The following SLC49A4 variants were observed in gnomAD, a reference collection of about 807,000 sequenced individuals.
SLC49A4 encodes disrupted in renal cancer protein 2.
Under a neutral mutation model 50.6 loss-of-function variants are expected in SLC49A4, and 36 were observed. The observed-to-expected ratio is 0.71, with a 90% confidence interval of 0.55 to 0.94. SLC49A4 has a LOEUF of 0.94. Among genes scored for constraint, SLC49A4 ranks in the 40% least tolerant of loss-of-function variants. The probability of loss-of-function intolerance (pLI) is 0.00; values close to 1 mark genes in which losing one functional copy is unlikely to be tolerated. For missense variants in SLC49A4, 503 were observed against 605.7 expected (o/e 0.83, Z 1.78); for synonymous variants, 248 against 241.2 (o/e 1.03, Z -0.26).
At chr3:122,824,383 G>A (rs1936494734) in intron 2 of SLC49A4, among the ~76,000 whole-genome samples, 1 of 152,128 alleles carries the variant, frequency 6.6e-6, no homozygotes, top group South Asian at 2.1e-4. Flanking sequence ...AAGTAAACTG[G>A]ATTTGGATGG....
intron 2 of SLC49A4, among the ~76,000 whole-genome samples, chr3:122,817,520 T>C (rs1936387547): frequency 6.6e-6 from 1 of 152,128 alleles, no homozygotes; most frequent in Admixed American, 6.5e-5. Context: ...AGGAAACTAG[T>C]CACCAAGTTT....
chr3:122,876,856 C>T (rs1248989986), intron 8 of SLC49A4, among the ~76,000 whole-genome samples: 5 of 152,158 alleles, frequency 3.3e-5, no homozygotes, highest in African/African-American at 4.8e-5. Flanking sequence ...TGAGTAAAGT[C>T]GAGCACCTGT....
At chr3:122,807,022 T>C (rs1370101098) in intron 2 of SLC49A4, 72 bp downstream of exon 2, 2 of 839,234 alleles carry the variant, frequency 2.4e-6, no homozygotes, top group Non-Finnish European at 3.9e-6. Flanking sequence ...AGAAGATCAG[T>C]AAAGGGTCAT....
At chr3:122,854,339 T>C (rs758198104) in intron 5 of SLC49A4, among the ~76,000 whole-genome samples, 1 of 152,272 alleles carries the variant, frequency 6.6e-6, no homozygotes, top group Non-Finnish European at 1.5e-5. Flanking sequence ...TAGAATAGGC[T>C]ATGCTCCTGG....
chr3:122,878,329 C>T (rs1367094631), intron 8 of SLC49A4, among the ~76,000 whole-genome samples: 1 of 152,192 alleles, frequency 6.6e-6, no homozygotes, highest in Non-Finnish European at 1.5e-5. Flanking sequence ...TCCCCACCAC[C>T]TTCACCAACC....
chr3:122,862,692 T>C (rs1937071672), intron 7 of SLC49A4, among the ~76,000 whole-genome samples: 1 of 152,226 alleles, frequency 6.6e-6, no homozygotes, highest in Non-Finnish European at 1.5e-5. Context: ...AAGAACATAG[T>C]CATGAGTACA....
At chr3:122,821,839 A>C (rs752782546) in intron 2 of SLC49A4, among the ~76,000 whole-genome samples, 7 of 152,194 alleles carry the variant, frequency 4.6e-5, no homozygotes, top group Non-Finnish European at 8.8e-5. Context: ...ATCTTTTTTT[A>C]AAAGCTTTAT....
At chr3:122,796,359 C>T (rs1377830968) in intron 1 of SLC49A4, among the ~76,000 whole-genome samples, 1 of 152,150 alleles carries the variant, frequency 6.6e-6, no homozygotes, top group African/African-American at 2.4e-5. Flanking sequence ...TTCTGTTCAA[C>T]CTTTTATAAG....
chr3:122,806,219 A>G (rs1936215716), intron 1 of SLC49A4, among the ~76,000 whole-genome samples: 1 of 152,162 alleles, frequency 6.6e-6, no homozygotes, highest in Admixed American at 6.6e-5. Context: ...ATAAAACTAA[A>G]ATATCTAGTC....
chr3:122,836,819 G>A (rs999213465), intron 4 of SLC49A4, among the ~76,000 whole-genome samples: 6 of 152,120 alleles, frequency 3.9e-5, no homozygotes, highest in African/African-American at 9.7e-5. Flanking sequence ...AAACCCCATC[G>A]TCTCAGCCCA....
intron 4 of SLC49A4, among the ~76,000 whole-genome samples, chr3:122,834,453 T>C (rs964019709): frequency 6.6e-6 from 1 of 152,132 alleles, no homozygotes; most frequent in Non-Finnish European, 1.5e-5. Context: ...AACAATCTGC[T>C]CCTGAATGAT....
At chr3:122,863,570 T>G (rs1236260808) in intron 7 of SLC49A4, among the ~76,000 whole-genome samples, 1 of 152,226 alleles carries the variant, frequency 6.6e-6, no homozygotes, top group Non-Finnish European at 1.5e-5. Context: ...CTAATTCCTT[T>G]TAAGTAAAAG....
chr3:122,817,829 A>G (rs1170345651), intron 2 of SLC49A4, among the ~76,000 whole-genome samples: 1 of 136,554 alleles, frequency 7.3e-6, no homozygotes, highest in African/African-American at 2.8e-5. Context: ...TCCTGGGCTC[A>G]CATGATCCAC....
rs1387536092 is a variant in SLC49A4, at chr3:122,880,990, T to G, written c.*1612T>G. 5.9e-5 allele frequency: 9 copies of G among 152,230 alleles called. No homozygotes were observed. Among genetic ancestry groups the G allele is most frequent in the Admixed American group, 5.9e-4 (9 of 15,278 alleles). 9.4% of individuals were successfully genotyped at this position (152,230 alleles called of 1,614,324 possible). Reference sequence around the variant, plus strand: ...ATTTAACATCTGTCTTCAGTCATCTTTAAATCGTCTCTCTTTATAAACACT... The same window carrying G: ...ATTTAACATCTGTCTTCAGTCATCTGTAAATCGTCTCTCTTTATAAACACT... On this transcript the variant is annotated 3_prime_UTR_variant, in exon 9 of 9. Coordinates refer to ENST00000261038, the MANE Select transcript of SLC49A4 (RefSeq NM_032839.3).
intron 1 of SLC49A4, among the ~76,000 whole-genome samples, chr3:122,795,977 A>C (rs1936031652): frequency 6.6e-6 from 1 of 152,250 alleles, no homozygotes; most frequent in Non-Finnish European, 1.5e-5. Flanking sequence ...CGTTTTGTGT[A>C]ATAGATGACT....
chr3:122,874,777 A>G (rs1224447355), intron 8 of SLC49A4, among the ~76,000 whole-genome samples: 1 of 152,212 alleles, frequency 6.6e-6, no homozygotes, highest in East Asian at 1.9e-4. Context: ...TTTCCAGGAA[A>G]AAGGTCTCAT....
intron 5 of SLC49A4, among the ~76,000 whole-genome samples, chr3:122,854,601 G>A (rs372743533): frequency 6.6e-6 from 1 of 152,332 alleles, no homozygotes; most frequent in East Asian, 1.9e-4. Flanking sequence ...AGAAAGCATG[G>A]AGGAGGCATA....
chr3:122,821,249 G>A (rs1416526718), intron 2 of SLC49A4, among the ~76,000 whole-genome samples: 3 of 152,156 alleles, frequency 2.0e-5, no homozygotes, highest in African/African-American at 7.2e-5. Context: ...GCAGAGAATG[G>A]ACTAATACAC....
Position 122,806,868 on chromosome 3 carries a change from A to G in SLC49A4, c.355A>G (p.Thr119Ala). The change falls in exon 2 of 9, where the codon ACT (threonine) becomes GCT (alanine). Residue 119 changes from threonine (T) to alanine (A), a missense_variant. Thr to Ala is a moderately conservative substitution (Grantham distance 58). Coordinates refer to ENST00000261038, the MANE Select transcript of SLC49A4 (RefSeq NM_032839.3). Reference protein sequence around the residue: ...WLLDKRGLRITVLLTSFLMVL... With the variant: ...WLLDKRGLRIAVLLTSFLMVL... The stretch of plus-strand genomic sequence containing the variant: ...TTGTTTCATTTTAGGTCTCCGGATA[A>G]CTGTGCTCCTGACATCCTTCCTTAT... 1 of 1,604,610 alleles carries G rather than the reference A, an allele frequency of 6.2e-7. No homozygotes were observed. The highest frequency in any genetic ancestry group is 8.5e-7 in the Non-Finnish European group (1 of 1,171,692).
Sources: allele counts gnomAD v4.1 joint callset (sites outside exome capture counted in the v4.1 genomes callset), GRCh38; gene constraint gnomAD v4.1.1; transcripts MANE v1.5; gene names NCBI Gene and HGNC (gene_info 2026-07-23, HGNC 2026-07-21).